Variants in IPO11 observed in about 807,000 individuals in gnomAD.
IPO11 encodes importin-11.
Under a neutral mutation model 143.2 loss-of-function variants are expected in IPO11, and 66 were observed. The ratio of observed to expected loss-of-function variants is 0.46; its 90% CI spans 0.38 to 0.57. The LOEUF (loss-of-function observed/expected upper bound fraction) is 0.57, where lower values mean the gene tolerates loss of function less well. Ranked by LOEUF, IPO11 falls within the 20% of genes least tolerant of loss-of-function variation. The pLI, the probability that IPO11 is intolerant of heterozygous loss-of-function variation, is 0.00. For synonymous variants in IPO11, 385 were observed against 377.8 expected (o/e 1.02, Z -0.22); for missense variants, 1,026 against 1,141.0 (o/e 0.90, Z 1.45).
At chr5:62,552,089 A>C (rs1010938183) in intron 26 of IPO11, among the ~76,000 whole-genome samples, 1 of 152,098 alleles carries the variant, frequency 6.6e-6, no homozygotes, top group South Asian at 2.1e-4. Flanking sequence ...ATGCCACTGC[A>C]CTCCAGCCTG....
chr5:62,514,640 C>T (rs1046983747), intron 19 of IPO11, among the ~76,000 whole-genome samples: 8 of 106,472 alleles, frequency 7.5e-5, no homozygotes, highest in Admixed American at 2.8e-4. Context: ...GAGAGGGAGA[C>T]GGGAGGACAT....
At chr5:62,594,811 G>A (rs1362048079) in intron 28 of IPO11, among the ~76,000 whole-genome samples, 1 of 152,148 alleles carries the variant, frequency 6.6e-6, no homozygotes, top group East Asian at 1.9e-4. Flanking sequence ...AGGGACCAAT[G>A]GAGCAATACC....
intron 1 of IPO11, among the ~76,000 whole-genome samples, chr5:62,414,567 A>G (rs541095706): frequency 2.7e-3 from 408 of 152,332 alleles, no homozygotes; most frequent in Non-Finnish European, 4.9e-3. Flanking sequence ...TTTGCTGACT[A>G]TCAGACTTAT....
Position 62,451,736 on chromosome 5 carries a change from A to G in IPO11, c.319A>G (p.Thr107Ala), listed in dbSNP as rs1279653740. ...NFNEPINQIA[T>A]QIAVLIAKVA... ...TTTAATTTTTTCCTTTCAGATTGCAACTCAGATTGCAGTGCTCATTGCAAA... is the reference window on the plus strand; with the variant it reads ...TTTAATTTTTTCCTTTCAGATTGCAGCTCAGATTGCAGTGCTCATTGCAAA... Residue 107 changes from threonine (T) to alanine (A), a missense_variant, in exon 5 of 30, where the codon ACT (threonine) becomes GCT (alanine). Coordinates refer to ENST00000325324, the MANE Select transcript of IPO11 (RefSeq NM_016338.5). 7 of 1,613,682 alleles carry G rather than the reference A, an allele frequency of 4.3e-6. No homozygotes were observed. The highest frequency in any genetic ancestry group is 5.9e-6 in the Non-Finnish European group (7 of 1,179,820).
At chr5:62,414,526 T>C (rs1342323190) in intron 1 of IPO11, among the ~76,000 whole-genome samples, 1 of 152,242 alleles carries the variant, frequency 6.6e-6, no homozygotes, top group Non-Finnish European at 1.5e-5. Context: ...AAAACACATT[T>C]AGTGCTGGTG....
intron 27 of IPO11, among the ~76,000 whole-genome samples, chr5:62,568,426 TAGC>T (rs1020170354): frequency 2.0e-5 from 3 of 151,440 alleles, no homozygotes; most frequent in Non-Finnish European, 2.9e-5. Context: ...TACAAAAAAT[TAGC>T]AGGGTGTGGT....
Position 62,627,956 on chromosome 5 carries a change from C to G in IPO11, c.*638C>G, listed in dbSNP as rs1746642988. 1 of 148,932 alleles carries G rather than the reference C, an allele frequency of 6.7e-6. No individual in the cohort carries two copies. Among genetic ancestry groups the G allele is most frequent in the Admixed American group, 6.7e-5 (1 of 14,970 alleles). The allele number at this position is 148,932 out of a possible 1,614,324, so 9.2% of individuals were successfully genotyped here. ...TAAAGGCATTTTTTTCTTTTTTTTTCCAGTAAATACATTGGGTCTATAAAT... is the reference window on the plus strand; with the variant it reads ...TAAAGGCATTTTTTTCTTTTTTTTTGCAGTAAATACATTGGGTCTATAAAT... On this transcript the variant is annotated 3_prime_UTR_variant, in exon 30 of 30. Coordinates refer to ENST00000325324, the MANE Select transcript of IPO11 (RefSeq NM_016338.5).
intron 16 of IPO11, among the ~76,000 whole-genome samples, chr5:62,499,194 CT>C (rs1436567859): frequency 6.6e-6 from 1 of 152,062 alleles, no homozygotes; most frequent in Admixed American, 6.6e-5. Flanking sequence ...ATAGAGTGTG[CT>C]TTTACACAAT....
chr5:62,563,864 C>T (rs1357834939), intron 27 of IPO11, among the ~76,000 whole-genome samples: 2 of 152,090 alleles, frequency 1.3e-5, no homozygotes, highest in African/African-American at 4.8e-5. Context: ...AAAATTAATA[C>T]TTAGACTGGG....
intron 26 of IPO11, among the ~76,000 whole-genome samples, chr5:62,555,233 C>T (rs1048981847): frequency 1.3e-5 from 2 of 150,940 alleles, no homozygotes; most frequent in South Asian, 2.1e-4. Context: ...CACCAATTCA[C>T]GAACATGGTG....
At chr5:62,474,184 GTGATTTATGTAACTAAA>G in intron 7 of IPO11, among the ~76,000 whole-genome samples, 1 of 152,298 alleles carries the variant, frequency 6.6e-6, no homozygotes, top group East Asian at 1.9e-4. Flanking sequence ...TCATTGCAAA[GTGATTTATGTAACTAAA>G]TGAGATATTG....
chr5:62,424,423 G>T (rs191144139), intron 1 of IPO11, among the ~76,000 whole-genome samples: 8 of 151,530 alleles, frequency 5.3e-5, no homozygotes, highest in South Asian at 4.2e-4. Flanking sequence ...ACGGGTGTGA[G>T]CCATCGCGCC....
intron 21 of IPO11, 140 bp downstream of exon 21, chr5:62,526,397 C>G: frequency 3.4e-6 from 2 of 595,428 alleles, no homozygotes; most frequent in Non-Finnish European, 5.9e-6. Context: ...GGGCATATAT[C>G]TCCTTTTTTT....
At chr5:62,618,216 A>G (rs1393509153) in intron 29 of IPO11, among the ~76,000 whole-genome samples, 1 of 152,174 alleles carries the variant, frequency 6.6e-6, no homozygotes, top group African/African-American at 2.4e-5. Flanking sequence ...TTGGTTTCAT[A>G]AAGTTTTTTA....
chr5:62,494,770 G>A (rs1002175303), intron 16 of IPO11, among the ~76,000 whole-genome samples: 1 of 152,004 alleles, frequency 6.6e-6, no homozygotes, highest in Admixed American at 6.5e-5. Context: ...TGTATGCCTG[G>A]GTGAATATAT....
chr5:62,591,667 TA>T lies in IPO11; in HGVS notation c.2676del (p.Asp893ThrfsTer4), dbSNP rs757704302. 1 of 1,594,410 alleles carries T rather than the reference TA, an allele frequency of 6.3e-7. No individual in the cohort carries two copies. The highest frequency in any genetic ancestry group is 2.2e-5 in the East Asian group (1 of 44,538). On this transcript the variant is annotated frameshift_variant, in exon 28 of 30. Transcript: ENST00000325324. LOFTEE classifies it high-confidence loss of function. The stretch of plus-strand genomic sequence containing the variant: ...CGGAAGATCCTGAAACAGGAACTTA[TA>T]AAGAGTAGGTGCATTATTTAATTAA... ...MTEDPETGTY[K>X]DCMLMSHLEE... is the part of the protein sequence containing the mutation.
chr5:62,526,024 TA>T, intron 20 of IPO11, 117 bp from the exon 21 acceptor site: 1 of 679,190 alleles, frequency 1.5e-6, no homozygotes, highest in South Asian at 1.7e-5. Flanking sequence ...AGGACCTTCC[TA>T]AAAATATGAT....
At chr5:62,423,246 G>T (rs1013215971) in intron 1 of IPO11, among the ~76,000 whole-genome samples, 1 of 152,008 alleles carries the variant, frequency 6.6e-6, no homozygotes, top group African/African-American at 2.4e-5. Context: ...TTGGACCTCT[G>T]TCTCTTACCT....
At chr5:62,437,546 C>A in intron 2 of IPO11, 129 bp downstream of exon 2, 1 of 662,576 alleles carries the variant, frequency 1.5e-6, no homozygotes, top group Non-Finnish European at 2.5e-6. Flanking sequence ...ATGCCTTTGC[C>A]ATTATCTTAT....
Sources: gnomAD v4.1 joint callset for allele counts (sites outside exome capture counted in the v4.1 genomes callset) on GRCh38, gnomAD v4.1.1 for gene constraint, MANE v1.5 for transcripts, NCBI Gene and HGNC (gene_info 2026-07-23, HGNC 2026-07-21) for gene names.